Variants in TMEM120B observed in about 807,000 individuals in gnomAD.
The protein encoded by TMEM120B is transmembrane protein 120B.
TMEM120B carries 31 observed loss-of-function variants against 55.5 expected under a neutral mutation model. That is an observed-to-expected ratio of 0.56 (90% CI 0.42 to 0.75). The LOEUF (loss-of-function observed/expected upper bound fraction) is 0.75. Ranked by LOEUF, TMEM120B falls within the 30% of genes least tolerant of loss-of-function variation. TMEM120B has a pLI of 0.00. For synonymous variants in TMEM120B, 203 were observed against 176.3 expected, an observed-to-expected ratio of 1.15 and a Z score of -1.20; for missense variants, 399 against 425.5, an observed-to-expected ratio of 0.94 and a Z score of 0.55.
At position 121,744,008 on chromosome 12, in the gene TMEM120B, G is replaced by A. The variant is rs537585355; in HGVS notation, c.188+261G>A. Among the ~76,000 whole-genome samples, 43 of 151,592 alleles carry A rather than the reference G, an allele frequency of 2.8e-4. 1 individual carries two copies. In the South Asian group the frequency reaches 9.0e-3, roughly 32 times the overall value. ...TGCCAGGCTTATATTCTCCAGCCTT[G>A]CTTCCTGCCGGCTGTGCCACCCTGG... is the stretch of plus-strand genomic sequence containing the variant. On this transcript the variant is annotated intron_variant, in intron 2 of 11. Transcript: ENST00000449592.
intron 10 of TMEM120B, 112 bp downstream of exon 10, chr12:121,774,834 C>A: frequency 7.4e-7 from 1 of 1,357,572 alleles, no homozygotes; most frequent in Non-Finnish European, 1.0e-6. Flanking sequence ...GGGCCCACAG[C>A]ATCCTGGGGC....
Position 121,779,753 on chromosome 12 carries a change from T to C in TMEM120B, c.*4031T>C, listed in dbSNP as rs1323310356. The C allele has an allele frequency of 2.9e-6, 4 of 1,382,642 alleles. No individual in the cohort carries two copies. The highest frequency in any genetic ancestry group is 3.7e-5 in the Admixed American group (2 of 54,070). 85.6% of individuals were successfully genotyped at this position (1,382,642 alleles called of 1,614,324 possible). A position where few individuals can be genotyped will look rare whatever the true frequency, so the allele number is the denominator to read the frequency against. ...GGTTTGGGACTGGCTCTGAGGACTC[T>C]GCAGGGATGGAGGCCTTGGTTTGGG... is the stretch of plus-strand genomic sequence containing the variant. On this transcript the variant is annotated 3_prime_UTR_variant, in exon 12 of 12. Coordinates refer to ENST00000449592, the MANE Select transcript of TMEM120B (RefSeq NM_001080825.2).
At chr12:121,719,350 T>G (rs1258573473) in intron 1 of TMEM120B, among the ~76,000 whole-genome samples, 1 of 152,136 alleles carries the variant, frequency 6.6e-6, no homozygotes, top group Non-Finnish European at 1.5e-5. Flanking sequence ...AACAGGAGGC[T>G]GAGGCAGGTA....
At position 121,779,274 on chromosome 12, in the gene TMEM120B, C is replaced by A; in HGVS notation, c.*3552C>A. The A allele has an allele frequency of 1.7e-6, 1 of 583,420 alleles. No individual in the cohort carries two copies. The highest frequency in any genetic ancestry group is 3.0e-6 in the Non-Finnish European group (1 of 328,424). 36.1% of individuals were successfully genotyped at this position (583,420 alleles called of 1,614,324 possible). ...TGCGAGTCCCGACAACAGACACTGG[C>A]TCCTGCACCCACATCACCACCATGT... On this transcript the variant is annotated 3_prime_UTR_variant, in exon 12 of 12. Transcript: ENST00000449592.
At chr12:121,773,624 C>G (rs540192880) in intron 9 of TMEM120B, 111 bp downstream of exon 9, 2 of 777,294 alleles carry the variant, frequency 2.6e-6, no homozygotes. Context: ...CAGGCCGCTG[C>G]CCTTTATCCG....
At chr12:121,730,989 T>C (rs1894992529) in intron 1 of TMEM120B, among the ~76,000 whole-genome samples, 2 of 151,336 alleles carry the variant, frequency 1.3e-5, no homozygotes, top group South Asian at 4.2e-4. Context: ...ACATACTGTA[T>C]GATTCCACTT....
At chr12:121,739,465 C>G (rs1342804578) in intron 1 of TMEM120B, among the ~76,000 whole-genome samples, 4 of 149,816 alleles carry the variant, frequency 2.7e-5, no homozygotes, top group Admixed American at 2.7e-4. Flanking sequence ...AGTCAAAAAG[C>G]CAAATATGTA....
chr12:121,716,370 G>T (rs568777557), intron 1 of TMEM120B, among the ~76,000 whole-genome samples: 167 of 151,536 alleles, frequency 1.1e-3, no homozygotes, highest in African/African-American at 3.7e-3. Flanking sequence ...AGGTAGGTGG[G>T]CACACTGAAC....
intron 1 of TMEM120B, among the ~76,000 whole-genome samples, chr12:121,725,480 T>C (rs897064706): frequency 6.6e-5 from 10 of 152,174 alleles, no homozygotes; most frequent in African/African-American, 2.4e-4. Context: ...TTCCTAGGTA[T>C]CTACCCAAGA....
chr12:121,749,515 C>A (rs1156446429), intron 3 of TMEM120B, among the ~76,000 whole-genome samples: 2 of 152,198 alleles, frequency 1.3e-5, no homozygotes, highest in Non-Finnish European at 2.9e-5. Context: ...GACCACATCT[C>A]TACAAAACTT....
intron 1 of TMEM120B, among the ~76,000 whole-genome samples, chr12:121,733,789 C>T (rs758912935): frequency 3.3e-5 from 5 of 152,122 alleles, no homozygotes; most frequent in East Asian, 1.9e-4. Flanking sequence ...CCGCCCACCT[C>T]GGCCTCCCAA....
Position 121,775,170 on chromosome 12 carries a change from A to C in TMEM120B, c.906+40A>C. On this transcript the variant is annotated intron_variant, in intron 11 of 11. Transcript: ENST00000449592. This position sits in a 1 kb window ranked among gnomAD's most constrained non-coding sequence, Gnocchi z 4.3. ...GGCATGCTCGGGGGAGGTTCCCGGG[A>C]GGGCTGGGGTGGCAGGGATGGGGTG... is the stretch of plus-strand genomic sequence containing the variant. 23 of 380,546 alleles carry C rather than the reference A, an allele frequency of 6.0e-5. No individual in the cohort carries two copies. Among genetic ancestry groups the C allele is most frequent in the Non-Finnish European group, 8.9e-5 (21 of 236,980 alleles). 23.6% of individuals were successfully genotyped at this position (380,546 alleles called of 1,614,324 possible). A position where few individuals can be genotyped will look rare whatever the true frequency, so the allele number is the denominator to read the frequency against.
At chr12:121,771,435 A>C in intron 7 of TMEM120B, 53 bp from the exon 8 acceptor site, 37 of 1,427,238 alleles carry the variant, frequency 2.6e-5, no homozygotes, top group Non-Finnish European at 3.3e-5. Flanking sequence ...GCGGGGAGGA[A>C]TGTCTCATTT....
intron 2 of TMEM120B, among the ~76,000 whole-genome samples, chr12:121,746,964 A>AAAAAG (rs527345662): frequency 6.6e-6 from 1 of 152,108 alleles, no homozygotes; most frequent in Non-Finnish European, 1.5e-5. Context: ...TCTCAAAAAA[A>AAAAAG]AAAAGAAAAG....
chr12:121,779,535 T>TG lies in TMEM120B; in HGVS notation c.*3814dup. On this transcript the variant is annotated 3_prime_UTR_variant, in exon 12 of 12. Coordinates refer to ENST00000449592, the MANE Select transcript of TMEM120B (RefSeq NM_001080825.2). The stretch of plus-strand genomic sequence containing the variant: ...GCAGAGCCGGCGCTTCTTCTGCCGT[T>TG]GCGCCTTCTTCAGAGCGCTGAGAGC... 1 of 1,613,052 alleles carries TG rather than the reference T, an allele frequency of 6.2e-7. No homozygotes were observed. Among genetic ancestry groups the TG allele is most frequent in the South Asian group, 1.1e-5 (1 of 91,088 alleles).
At position 121,779,839 on chromosome 12, in the gene TMEM120B, G is replaced by C; in HGVS notation, c.*4117G>C. On this transcript the variant is annotated 3_prime_UTR_variant, in exon 12 of 12. Transcript: ENST00000449592. ...GTGTGTGGGTGGAATGGAGGGCCAG[G>C]GCAGTGCAGCCCGCAGGTTGGAAGA... 1 of 658,208 alleles carries C rather than the reference G, an allele frequency of 1.5e-6. No homozygotes were observed. Among genetic ancestry groups the C allele is most frequent in the Non-Finnish European group, 2.6e-6 (1 of 390,876 alleles). The allele number at this position is 658,208 out of a possible 1,614,324, so 40.8% of individuals were successfully genotyped here.
chr12:121,749,143 T>C (rs1873197679), intron 3 of TMEM120B, among the ~76,000 whole-genome samples: 1 of 151,932 alleles, frequency 6.6e-6, no homozygotes, highest in South Asian at 2.1e-4. Flanking sequence ...TTCAGGCCTG[T>C]AGCGGGTGGG....
At chr12:121,749,529 C>A (rs1380621606) in intron 3 of TMEM120B, among the ~76,000 whole-genome samples, 4 of 152,126 alleles carry the variant, frequency 2.6e-5, no homozygotes, top group Admixed American at 2.0e-4. Flanking sequence ...AAAACTTTAA[C>A]AAAATTGGTG....
intron 1 of TMEM120B, among the ~76,000 whole-genome samples, chr12:121,729,780 CAG>C (rs770191645): frequency 2.0e-5 from 3 of 152,088 alleles, no homozygotes; most frequent in Non-Finnish European, 2.9e-5. Flanking sequence ...GCCTGGGCGA[CAG>C]AGAGCGATCC....
Sources: gnomAD v4.1 joint callset for allele counts (sites outside exome capture counted in the v4.1 genomes callset) on GRCh38, gnomAD v4.1.1 for gene constraint, Gnocchi (gnomAD v3.1) non-coding constraint, MANE v1.5 for transcripts, NCBI Gene and HGNC (gene_info 2026-07-23, HGNC 2026-07-21) for gene names.